The following HOMER2 variants were observed in gnomAD, a reference collection of about 807,000 sequenced individuals.
HOMER2 encodes homer scaffold protein 2.
In HOMER2, 27 loss-of-function variants were observed where a neutral mutation model predicts 47.0. The observed-to-expected ratio is 0.57, with a 90% confidence interval of 0.42 to 0.79. The LOEUF (loss-of-function observed/expected upper bound fraction) is 0.79, where lower values mean the gene tolerates loss of function less well. HOMER2 is among the 30% of genes least tolerant of loss of function. The probability of loss-of-function intolerance (pLI) is 0.00; values close to 1 mark genes in which losing one functional copy is unlikely to be tolerated. For synonymous variants in HOMER2, 161 were observed against 163.8 expected (o/e 0.98, Z 0.13); for missense variants, 443 against 435.0 (o/e 1.02, Z -0.16).
chr15:82,945,511 G>GGTC (rs76290257), intron 1 of HOMER2, among the ~76,000 whole-genome samples: 30,939 of 152,076 alleles, frequency 0.2, 3,318 homozygotes, highest in Admixed American at 0.22. Context: ...AAAGTACAAA[G>GGTC]GCAGACATTG....
chr15:82,955,015 A>G (rs1392049501), upstream of HOMER2, among the ~76,000 whole-genome samples: 1 of 151,964 alleles, frequency 6.6e-6, no homozygotes, highest in Non-Finnish European at 1.5e-5. Flanking sequence ...TGACCTCGTG[A>G]TCGGCCCACC....
Position 82,875,204 on chromosome 15 carries a change from G to A in HOMER2, c.294+69C>T, listed in dbSNP as rs1008921325. ...CCTGCTCACCAAGGGCACATCCCTC[G>A]GCGGGCAATCACTGATGAGAATGGC... is the stretch of plus-strand genomic sequence containing the variant. On this transcript the variant is annotated intron_variant, in intron 3 of 8. Coordinates refer to ENST00000450735, the MANE Select transcript of HOMER2 (RefSeq NM_004839.4). 5.3e-5 allele frequency: 82 copies of A among 1,553,256 alleles called. No individual in the cohort carries two copies. The Middle Eastern group carries it at 1.2e-3, about 22-fold the overall frequency.
chr15:82,908,876 G>A (rs1395242755), intron 1 of HOMER2, among the ~76,000 whole-genome samples: 12 of 152,084 alleles, frequency 7.9e-5, no homozygotes, highest in Non-Finnish European at 1.5e-5. Flanking sequence ...GAACCAACTG[G>A]AAGAGATGTT....
chr15:82,940,651 A>G (rs1325002866), intron 1 of HOMER2, among the ~76,000 whole-genome samples: 1 of 152,138 alleles, frequency 6.6e-6, no homozygotes, highest in Non-Finnish European at 1.5e-5. Context: ...CTGAGGCAGG[A>G]GAATGGCGTG....
At chr15:82,906,800 C>T (rs2053298706) in intron 1 of HOMER2, among the ~76,000 whole-genome samples, 1 of 152,140 alleles carries the variant, frequency 6.6e-6, no homozygotes, top group African/African-American at 2.4e-5. Flanking sequence ...AAAACATACA[C>T]CATATAACAC....
At chr15:82,849,945 CGA>C (rs2051337946) in intron 8 of HOMER2, 42 bp from the exon 9 acceptor site, 1 of 1,587,398 alleles carries the variant, frequency 6.3e-7, no homozygotes, top group Non-Finnish European at 8.6e-7. Flanking sequence ...AACTGAGTGA[CGA>C]GAGTCATCCT....
downstream of HOMER2, chr15:82,844,408 T>C (rs1347460527): frequency 6.6e-6 from 1 of 152,128 alleles, no homozygotes; most frequent in Non-Finnish European, 1.5e-5. Context: ...ACAACCTACA[T>C]AGAGGTTAAA....
At chr15:82,858,406 A>C (rs1413793130) in intron 5 of HOMER2, among the ~76,000 whole-genome samples, 2 of 151,860 alleles carry the variant, frequency 1.3e-5, no homozygotes, top group South Asian at 4.1e-4. Flanking sequence ...AATCCTCCCA[A>C]CTGAGCCACC....
intron 1 of HOMER2, among the ~76,000 whole-genome samples, chr15:82,972,122 C>T (rs1175633964): frequency 6.6e-6 from 1 of 152,146 alleles, no homozygotes; most frequent in Admixed American, 6.5e-5. Flanking sequence ...ATGGAGTGTG[C>T]AGCCATCACC....
intron 2 of HOMER2, among the ~76,000 whole-genome samples, chr15:82,881,134 G>A (rs562478090): frequency 3.3e-5 from 5 of 152,332 alleles, no homozygotes; most frequent in South Asian, 2.1e-4. Flanking sequence ...TTCTTCTTGC[G>A]TGAGTCATCT....
chr15:82,963,251 A>AT (rs1002576950), intron 1 of HOMER2, among the ~76,000 whole-genome samples: 16 of 148,672 alleles, frequency 1.1e-4, no homozygotes, highest in South Asian at 4.3e-4. Flanking sequence ...AGCCTAGCTA[A>AT]TTTTTTTTTT....
At chr15:82,881,779 A>G (rs1029620933) in intron 2 of HOMER2, among the ~76,000 whole-genome samples, 13 of 152,212 alleles carry the variant, frequency 8.5e-5, no homozygotes, top group African/African-American at 3.1e-4. Flanking sequence ...TCGCAACACA[A>G]CAGGTGTGGC....
At chr15:82,952,274 C>G (rs972315589) in intron 1 of HOMER2, among the ~76,000 whole-genome samples, 2 of 152,224 alleles carry the variant, frequency 1.3e-5, no homozygotes, top group Admixed American at 6.5e-5. Context: ...CAGGTGCCCC[C>G]GTGCCCGGGC....
chr15:82,852,382 T>A (rs943115803), intron 6 of HOMER2, 130 bp from the exon 7 acceptor site: 2 of 676,832 alleles, frequency 3.0e-6, no homozygotes, highest in Non-Finnish European at 5.0e-6. Flanking sequence ...TAAGATTTTC[T>A]TTGTGGCTAT....
intron 1 of HOMER2, among the ~76,000 whole-genome samples, chr15:82,980,216 C>G (rs1365183490): frequency 6.6e-6 from 1 of 151,970 alleles, no homozygotes; most frequent in Non-Finnish European, 1.5e-5. Context: ...AAGGGCCCAG[C>G]CAAGAGCATG....
chr15:82,896,017 GAAC>G (rs962115242), intron 1 of HOMER2, among the ~76,000 whole-genome samples: 1 of 152,136 alleles, frequency 6.6e-6, no homozygotes, highest in Non-Finnish European at 1.5e-5. Flanking sequence ...CTCTACTCCA[GAAC>G]AACACTGGTG....
chr15:82,960,655 A>C (rs1057101586), intron 1 of HOMER2, among the ~76,000 whole-genome samples: 2 of 152,244 alleles, frequency 1.3e-5, no homozygotes, highest in African/African-American at 2.4e-5. Flanking sequence ...TTCAATTCAA[A>C]TGTAGCAAAT....
intron 1 of HOMER2, among the ~76,000 whole-genome samples, chr15:82,912,206 A>G (rs1280867259): frequency 6.6e-6 from 1 of 152,204 alleles, no homozygotes; most frequent in Non-Finnish European, 1.5e-5. Context: ...GGGCATTTTC[A>G]GAGCACCCCT....
chr15:82,894,543 T>C (rs1596329657), intron 1 of HOMER2, among the ~76,000 whole-genome samples: 1 of 151,602 alleles, frequency 6.6e-6, no homozygotes, highest in African/African-American at 2.4e-5. Context: ...TGGTGGCGGG[T>C]GCCTGTAGTC....
Sources: allele counts gnomAD v4.1 joint callset (sites outside exome capture counted in the v4.1 genomes callset), GRCh38; gene constraint gnomAD v4.1.1; transcripts MANE v1.5; gene names NCBI Gene and HGNC (gene_info 2026-07-23, HGNC 2026-07-21).